The following KIAA1549L variants were observed in gnomAD, a reference collection of about 807,000 sequenced individuals.
KIAA1549L encodes UPF0606 protein KIAA1549L.
In KIAA1549L, 88 loss-of-function variants were observed where a neutral mutation model predicts 160.7. The ratio of observed to expected loss-of-function variants is 0.55; its 90% CI spans 0.46 to 0.65. The LOEUF (loss-of-function observed/expected upper bound fraction) is 0.65, where lower values mean the gene tolerates loss of function less well. Among genes scored for constraint, KIAA1549L ranks in the 30% least tolerant of loss-of-function variants. The pLI, the probability that KIAA1549L is intolerant of heterozygous loss-of-function variation, is 0.00. For synonymous variants in KIAA1549L, 950 were observed against 976.7 expected (o/e 0.97, Z 0.51); for missense variants, 2,258 against 2,437.5 (o/e 0.93, Z 1.55).
chr11:33,459,825 G>A (rs1851903853), intron 1 of KIAA1549L, among the ~76,000 whole-genome samples: 1 of 149,762 alleles, frequency 6.7e-6, no homozygotes, highest in South Asian at 2.2e-4. Flanking sequence ...GCCGGGCGTA[G>A]TGGCGGGCGC....
intron 1 of KIAA1549L, among the ~76,000 whole-genome samples, chr11:33,442,439 T>G (rs1851529534): frequency 6.6e-6 from 1 of 152,174 alleles, no homozygotes; most frequent in South Asian, 2.1e-4. Flanking sequence ...TTAAAGTAGT[T>G]TTTTCCAATT....
At chr11:33,394,606 C>T (rs776213437) in intron 1 of KIAA1549L, among the ~76,000 whole-genome samples, 2 of 152,136 alleles carry the variant, frequency 1.3e-5, no homozygotes, top group Non-Finnish European at 2.9e-5. Context: ...CTCTTTTAGA[C>T]GGGGCATCTG....
At chr11:33,494,471 C>G (rs1035987721) in intron 1 of KIAA1549L, among the ~76,000 whole-genome samples, 5 of 152,190 alleles carry the variant, frequency 3.3e-5, no homozygotes, top group African/African-American at 1.2e-4. Flanking sequence ...TTTTTCTTCT[C>G]TAGACCTGCT....
rs930940127 is a variant in KIAA1549L, at chr11:33,629,965, G to A, written c.5409+11303G>A. On this transcript the variant is annotated intron_variant, in intron 16 of 20. Coordinates refer to ENST00000658780, the MANE Select transcript of KIAA1549L (RefSeq NM_012194.3). ...GATGGTGATGTACAGATGGTTTTTT[G>A]GTGTGGATGTCCTTTCTCTTTGTTA... Among the ~76,000 whole-genome samples the A allele has an allele frequency of 1.1e-3, 161 of 151,128 alleles. 1 individual carries two copies. Among genetic ancestry groups the A allele is most frequent in the African/African-American group, 3.9e-3 (158 of 40,806 alleles).
At chr11:33,654,179 A>G (rs1422248856) in intron 17 of KIAA1549L, among the ~76,000 whole-genome samples, 1 of 151,510 alleles carries the variant, frequency 6.6e-6, no homozygotes, top group East Asian at 1.9e-4. Context: ...TCACCATGTT[A>G]GCCAGGATGG....
At chr11:33,502,167 C>A (rs149681543) in intron 1 of KIAA1549L, among the ~76,000 whole-genome samples, 16 of 152,248 alleles carry the variant, frequency 1.1e-4, no homozygotes, top group African/African-American at 3.6e-4. Context: ...CTTGTTACAC[C>A]AGTGATTCTG....
rs76964450 is a variant in KIAA1549L at position 33,463,559 on chromosome 11, T to C, written c.239-78243T>C. Among the ~76,000 whole-genome samples the C allele has an allele frequency of 4.9e-3, 742 of 152,328 alleles. 6 individuals carry two copies. Among genetic ancestry groups the C allele is most frequent in the African/African-American group, 0.017 (716 of 41,572 alleles). ...AAAAATAAATGATGATTCTCTGTTG[T>C]TGAGGCAAATCCCAAGGACACTACT... On this transcript the variant is annotated intron_variant, in intron 1 of 20. Coordinates refer to ENST00000658780, the MANE Select transcript of KIAA1549L (RefSeq NM_012194.3).
At chr11:33,545,694 G>A (rs1854231143) in intron 3 of KIAA1549L, among the ~76,000 whole-genome samples, 1 of 152,232 alleles carries the variant, frequency 6.6e-6, no homozygotes, top group African/African-American at 2.4e-5. Flanking sequence ...GCAAGTGTTA[G>A]AGGAGAGAGG....
intron 9 of KIAA1549L, among the ~76,000 whole-genome samples, chr11:33,573,542 A>G (rs1855340652): frequency 6.6e-6 from 1 of 152,192 alleles, no homozygotes. Context: ...TCATGTGAGT[A>G]TACAGTAGCT....
At chr11:33,413,708 A>G (rs12295359) in intron 1 of KIAA1549L, among the ~76,000 whole-genome samples, 47,783 of 151,982 alleles carry the variant, frequency 0.31, 7,999 homozygotes, top group East Asian at 0.56. Context: ...AACAGAAAAG[A>G]CATTGTTTTA....
At chr11:33,465,048 T>TC (rs1255564445) in intron 1 of KIAA1549L, among the ~76,000 whole-genome samples, 9 of 107,696 alleles carry the variant, frequency 8.4e-5, no homozygotes, top group East Asian at 4.9e-4. Context: ...ACCTTCTTCT[T>TC]TTTTTTTTTT....
At chr11:33,579,315 C>T (rs1195834962) in intron 10 of KIAA1549L, among the ~76,000 whole-genome samples, 10 of 152,110 alleles carry the variant, frequency 6.6e-5, no homozygotes, top group African/African-American at 1.2e-4. Flanking sequence ...CAGCAACACC[C>T]GACAATATCC....
chr11:33,640,674 C>T (rs183288692), intron 16 of KIAA1549L, among the ~76,000 whole-genome samples: 14 of 152,160 alleles, frequency 9.2e-5, no homozygotes, highest in African/African-American at 2.7e-4. Flanking sequence ...AAAATGTTAA[C>T]GGTAGTTATT....
rs116444487 is a variant in KIAA1549L at position 33,430,607 on chromosome 11, C to T, written c.238+53718C>T. Among the ~76,000 whole-genome samples, 1,248 of 152,228 alleles carry T rather than the reference C, an allele frequency of 8.2e-3. 17 individuals carry two copies. The highest frequency in any genetic ancestry group is 0.028 in the African/African-American group (1,179 of 41,544). ...GGTGAAGCTTTGAAGCAGTTTCTCC[C>T]AGAGCTGTGGAAACAATTTAAGTCT... On this transcript the variant is annotated intron_variant, in intron 1 of 20. Coordinates refer to ENST00000658780, the MANE Select transcript of KIAA1549L (RefSeq NM_012194.3).
intron 12 of KIAA1549L, among the ~76,000 whole-genome samples, chr11:33,597,540 A>G (rs984214396): frequency 6.6e-6 from 1 of 152,220 alleles, no homozygotes; most frequent in African/African-American, 2.4e-5. Context: ...TGGACGATTG[A>G]CAATAGAAGA....
intron 1 of KIAA1549L, among the ~76,000 whole-genome samples, chr11:33,404,696 C>A (rs920998805): frequency 1.3e-5 from 2 of 151,988 alleles, no homozygotes; most frequent in Middle Eastern, 3.4e-3. Context: ...ATAATCACAA[C>A]AATAATGAAA....
rs869257067 is a variant in KIAA1549L at position 33,614,584 on chromosome 11, A to ATTTT, written c.5280-3921_5280-3918dup. Among the ~76,000 whole-genome samples, 8 of 5,116 alleles carry ATTTT rather than the reference A, an allele frequency of 1.6e-3. 2 individuals carry two copies. Among genetic ancestry groups the ATTTT allele is most frequent in the East Asian group, 5.7e-3 (1 of 176 alleles). 3.4% of individuals were successfully genotyped at this position (5,116 alleles called of 152,430 possible). A position where few individuals can be genotyped will look rare whatever the true frequency, so the allele number is the denominator to read the frequency against. On this transcript the variant is annotated intron_variant, in intron 15 of 20. Transcript: ENST00000658780. ...TATATATATATATATATATATATAT[A>ATTTT]TTTTTTTTTTTTTTTTTTTTTTTTT...
intron 1 of KIAA1549L, among the ~76,000 whole-genome samples, chr11:33,468,744 G>A (rs1375740374): frequency 6.6e-6 from 1 of 152,166 alleles, no homozygotes; most frequent in East Asian, 1.9e-4. Context: ...ACTCTTCTCA[G>A]CTATAATACG....
intron 1 of KIAA1549L, among the ~76,000 whole-genome samples, chr11:33,459,177 A>C (rs944862885): frequency 2.0e-5 from 3 of 152,154 alleles, no homozygotes; most frequent in Admixed American, 2.0e-4. Flanking sequence ...AATCGTGTGG[A>C]AGAATTCTGG....
Sources: gnomAD v4.1 joint callset for allele counts (sites outside exome capture counted in the v4.1 genomes callset) on GRCh38, gnomAD v4.1.1 for gene constraint, MANE v1.5 for transcripts, NCBI Gene and HGNC (gene_info 2026-07-23, HGNC 2026-07-21) for gene names.